The following AOPEP variants were observed in gnomAD, a reference collection of about 807,000 sequenced individuals.
The protein encoded by AOPEP is aminopeptidase O.
A neutral mutation model predicts 98.1 loss-of-function variants in AOPEP; 77 were observed. The ratio of observed to expected loss-of-function variants is 0.78; its 90% CI spans 0.65 to 0.95. The LOEUF is 0.95. Ranked by LOEUF, AOPEP falls within the 40% of genes least tolerant of loss-of-function variation. AOPEP has a pLI of 0.00. For synonymous variants in AOPEP, 346 were observed against 365.3 expected (o/e 0.95, Z 0.60); for missense variants, 1,024 against 1,024.7 (o/e 1.00, Z 0.01).
intron 9 of AOPEP, among the ~76,000 whole-genome samples, chr9:94,967,522 A>G (rs2059279637): frequency 6.6e-6 from 1 of 152,210 alleles, no homozygotes; most frequent in Non-Finnish European, 1.5e-5. Context: ...GGTCAGAATA[A>G]TAAACATTCC....
chr9:94,882,337 T>C (rs565289554), intron 5 of AOPEP, among the ~76,000 whole-genome samples: 2 of 152,346 alleles, frequency 1.3e-5, no homozygotes, highest in South Asian at 4.1e-4. Context: ...TTGCAAAGAA[T>C]CATTTAAGGA....
intron 9 of AOPEP, among the ~76,000 whole-genome samples, chr9:94,962,101 CT>C (rs1460003925): frequency 2.0e-5 from 3 of 152,156 alleles, no homozygotes; most frequent in African/African-American, 7.2e-5. Flanking sequence ...CTCTTGAAAA[CT>C]TGTTAAATGT....
chr9:94,800,519 C>T (rs1847983016), intron 4 of AOPEP, among the ~76,000 whole-genome samples: 6 of 152,156 alleles, frequency 3.9e-5, no homozygotes, highest in Admixed American at 3.9e-4. Context: ...GATTTTACTG[C>T]TTTCTCTTAT....
At chr9:94,954,120 C>T (rs1301693739) in intron 7 of AOPEP, among the ~76,000 whole-genome samples, 2 of 151,994 alleles carry the variant, frequency 1.3e-5, no homozygotes, top group African/African-American at 2.4e-5. Context: ...CTCAGGAGTT[C>T]GAGACCAGCC....
intron 14 of AOPEP, among the ~76,000 whole-genome samples, chr9:95,076,076 C>A (rs2134151457): frequency 6.6e-6 from 1 of 152,328 alleles, no homozygotes; most frequent in East Asian, 1.9e-4. Context: ...CTTCACCGTA[C>A]CTGGCTGGTG....
intron 3 of AOPEP, among the ~76,000 whole-genome samples, chr9:94,777,111 G>A (rs779467754): frequency 3.3e-5 from 5 of 151,980 alleles, no homozygotes; most frequent in Non-Finnish European, 7.4e-5. Context: ...TAAAATGAAT[G>A]ATTGACATTC....
chr9:95,029,603 T>C (rs1291856975), intron 13 of AOPEP, among the ~76,000 whole-genome samples: 1 of 152,198 alleles, frequency 6.6e-6, no homozygotes, highest in East Asian at 1.9e-4. Context: ...CAGCACTGAT[T>C]GGAGTTTCTA....
intron 5 of AOPEP, among the ~76,000 whole-genome samples, chr9:94,854,855 A>G (rs1338820551): frequency 6.6e-6 from 1 of 152,032 alleles, no homozygotes; most frequent in African/African-American, 2.4e-5. Context: ...GAGGCACCAA[A>G]CGAGCTCTAC....
Position 94,765,439 on chromosome 9 carries a change from A to AAATAATAATAATAATAAT in AOPEP, c.797+4883_797+4900dup, listed in dbSNP as rs370305424. Among the ~76,000 whole-genome samples the AAATAATAATAATAATAAT allele has an allele frequency of 5.6e-3, 693 of 123,808 alleles. 11 individuals carry two copies. The highest frequency in any genetic ancestry group is 0.027 in the Middle Eastern group (7 of 262). The allele number at this position is 123,808 out of a possible 152,430, so 81.2% of individuals were successfully genotyped here. ...ACATGGTGAAACCCCTTCTCTACAA[A>AAATAATAATAATAATAAT]AATAATAATAATAATAATAATAATA... On this transcript the variant is annotated intron_variant, in intron 2 of 16. Transcript: ENST00000375315.
Position 94,930,673 on chromosome 9 carries a change from G to T in AOPEP, c.1661+2142G>T, listed in dbSNP as rs913186921. 3.3e-5 allele frequency among the ~76,000 whole-genome samples: 5 copies of T among 152,066 alleles called. No individual in the cohort carries two copies. The highest frequency in any genetic ancestry group is 9.7e-5 in the African/African-American group (4 of 41,398). On this transcript the variant is annotated intron_variant, in intron 7 of 16. Transcript: ENST00000375315. The surrounding 1 kb of genome is among the most constrained non-coding windows in gnomAD (Gnocchi z 4.5). ...CCAGAAAAGAAGCTGAGGCAAGCAG[G>T]TGGGAGTGGCTGATGTTGGAAGCTG...
intron 5 of AOPEP, among the ~76,000 whole-genome samples, chr9:94,847,528 T>C (rs887351482): frequency 6.6e-6 from 1 of 152,222 alleles, no homozygotes; most frequent in Non-Finnish European, 1.5e-5. Context: ...CACGTACTTT[T>C]CTGAAATTGA....
intron 14 of AOPEP, among the ~76,000 whole-genome samples, chr9:95,065,049 CTT>C (rs746982920): frequency 6.6e-5 from 10 of 152,170 alleles, no homozygotes; most frequent in African/African-American, 1.4e-4. Flanking sequence ...GTTGGAGCTT[CTT>C]TTTCTTCCCT....
intron 13 of AOPEP, among the ~76,000 whole-genome samples, chr9:95,051,088 A>ATT (rs2066308079): frequency 2.1e-5 from 1 of 48,466 alleles, no homozygotes; most frequent in Non-Finnish European, 5.4e-5. Flanking sequence ...TTTGTGGCTT[A>ATT]CTTTTTTTTT....
chr9:95,075,785 G>A (rs959685923), intron 14 of AOPEP, among the ~76,000 whole-genome samples: 1 of 152,218 alleles, frequency 6.6e-6, no homozygotes, highest in African/African-American at 2.4e-5. Context: ...TACTTGAGAG[G>A]CTGAGGCCAG....
At chr9:95,130,681 T>A in the AOPEP span, among the ~76,000 whole-genome samples, 2,977 of 152,298 alleles carry the variant, frequency 0.02, 57 homozygotes, top group Middle Eastern at 0.078. Context: ...GACAATCCCG[T>A]CCCACCGTGT....
At chr9:95,110,978 T>C in the AOPEP span, 1 of 1,413,048 alleles carries the variant, frequency 7.1e-7, no homozygotes, top group South Asian at 1.6e-5. Context: ...TAGTAAGAGA[T>C]GTAAATAAAG....
chr9:94,937,791 T>C (rs777218483), intron 7 of AOPEP, among the ~76,000 whole-genome samples: 1 of 152,220 alleles, frequency 6.6e-6, no homozygotes, highest in Non-Finnish European at 1.5e-5. Context: ...CTCTCTCTGA[T>C]CTTACTACAT....
intron 2 of AOPEP, among the ~76,000 whole-genome samples, chr9:94,772,465 C>T (rs1432260219): frequency 1.3e-5 from 2 of 152,170 alleles, no homozygotes; most frequent in Non-Finnish European, 2.9e-5. Flanking sequence ...TATGCCAGCC[C>T]CTGTTCTTGG....
At chr9:95,058,358 G>A (rs1367060037) in intron 13 of AOPEP, among the ~76,000 whole-genome samples, 1 of 152,142 alleles carries the variant, frequency 6.6e-6, no homozygotes, top group Non-Finnish European at 1.5e-5. Context: ...GTATAATATG[G>A]GGAGATGCTT....
Sources: gnomAD v4.1 joint callset for allele counts (sites outside exome capture counted in the v4.1 genomes callset) on GRCh38, gnomAD v4.1.1 for gene constraint, Gnocchi (gnomAD v3.1) non-coding constraint, MANE v1.5 for transcripts, NCBI Gene and HGNC (gene_info 2026-07-23, HGNC 2026-07-21) for gene names.